ZNF280D: variants seen among roughly 807,000 people sequenced by gnomAD.
The protein encoded by ZNF280D is suppressor of hairy wing homolog 4.
ZNF280D carries 39 observed loss-of-function variants against 94.7 expected under a neutral mutation model. The ratio of observed to expected loss-of-function variants is 0.41; its 90% CI spans 0.32 to 0.54. The LOEUF (loss-of-function observed/expected upper bound fraction) is 0.54, where lower values mean the gene tolerates loss of function less well. Ranked by LOEUF, ZNF280D falls within the 20% of genes least tolerant of loss-of-function variation. ZNF280D has a pLI of 0.22. For synonymous variants in ZNF280D, 398 were observed against 377.6 expected (o/e 1.05, Z -0.63); for missense variants, 1,090 against 1,149.3 (o/e 0.95, Z 0.75).
At chr15:56,675,732 T>C (rs1333269584) in intron 13 of ZNF280D, among the ~76,000 whole-genome samples, 1 of 152,032 alleles carries the variant, frequency 6.6e-6, no homozygotes, top group African/African-American at 2.4e-5. Flanking sequence ...GTCAATTTCA[T>C]GACTTAACTA....
At chr15:56,715,710 G>C (rs2058005413) in intron 1 of ZNF280D, among the ~76,000 whole-genome samples, 1 of 151,948 alleles carries the variant, frequency 6.6e-6, no homozygotes, top group Non-Finnish European at 1.5e-5. Flanking sequence ...TAACAGTTTT[G>C]TATTTGCCCA....
intron 1 of ZNF280D, among the ~76,000 whole-genome samples, chr15:56,720,049 A>G (rs1370124814): frequency 1.3e-5 from 2 of 152,126 alleles, no homozygotes; most frequent in Non-Finnish European, 2.9e-5. Flanking sequence ...TTAAAATAAG[A>G]CAATGAAGCT....
At chr15:56,728,530 A>G (rs1330594475) in intron 1 of ZNF280D, among the ~76,000 whole-genome samples, 2 of 152,354 alleles carry the variant, frequency 1.3e-5, no homozygotes, top group East Asian at 3.9e-4. Context: ...CAAAGGTTTC[A>G]AAAATTCTTC....
At position 56,643,014 on chromosome 15, in the gene ZNF280D, G is replaced by T; in HGVS notation, c.2214-17C>A. 6.9e-7 allele frequency: 1 copy of T among 1,448,288 alleles called. No homozygotes were observed. The highest frequency in any genetic ancestry group is 2.8e-5 in the Admixed American group (1 of 35,944). The allele number at this position is 1,448,288 out of a possible 1,614,324, so 89.7% of individuals were successfully genotyped here. A position where few individuals can be genotyped will look rare whatever the true frequency, so the allele number is the denominator to read the frequency against. On this transcript the variant is annotated splice_polypyrimidine_tract_variant and intron_variant, in intron 19 of 21. Transcript: ENST00000267807. ...TTTTTTAATCTTGAAAACAAGATAAGTATTGAATATTTTATTTTATATGTA... is the reference window on the plus strand; with the variant it reads ...TTTTTTAATCTTGAAAACAAGATAATTATTGAATATTTTATTTTATATGTA...
At chr15:56,637,308 G>A (rs2052399332) in intron 20 of ZNF280D, among the ~76,000 whole-genome samples, 1 of 151,896 alleles carries the variant, frequency 6.6e-6, no homozygotes, top group African/African-American at 2.4e-5. Flanking sequence ...GAGTAGCTAG[G>A]ACTACACAGT....
At chr15:56,633,584 G>C (rs1473019519) in intron 21 of ZNF280D, among the ~76,000 whole-genome samples, 1 of 151,656 alleles carries the variant, frequency 6.6e-6, no homozygotes, top group Admixed American at 6.6e-5. Context: ...TCTGCCTCCC[G>C]GGTTCAGGTG....
chr15:56,669,934 TATTATA>T (rs1566960530), intron 13 of ZNF280D, among the ~76,000 whole-genome samples: 11 of 9,650 alleles, frequency 1.1e-3, no homozygotes, highest in African/African-American at 3.3e-3. Context: ...ATTATATATA[TATTATA>T]TATATATATT....
chr15:56,704,224 C>T lies in ZNF280D; in HGVS notation c.72G>A (p.Glu24=), dbSNP rs539187764. 35 of 1,612,954 alleles carry T rather than the reference C, an allele frequency of 2.2e-5. No individual in the cohort carries two copies. The African/African-American group carries it at 4.0e-4, about 18-fold the overall frequency. Residue 24 remains glutamate, a synonymous_variant, in exon 4 of 22, where the codon GAG becomes GAA. Transcript: ENST00000267807. Reference sequence around the variant, plus strand: ...CTTTCTTCTGCCATGGTTCCAGCTCCTCTTCTTCACATTCCATAAACAGTT... The same window carrying T: ...CTTTCTTCTGCCATGGTTCCAGCTCTTCTTCTTCACATTCCATAAACAGTT... ...MAELFMECEE[E]ELEPWQKKVK... is the part of the protein sequence containing the mutation.
Position 56,678,745 on chromosome 15 carries a change from G to T in ZNF280D, c.1081C>A (p.Gln361Lys). The T allele has an allele frequency of 6.2e-7, 1 of 1,613,234 alleles. No individual in the cohort carries two copies. The highest frequency in any genetic ancestry group is 8.5e-7 in the Non-Finnish European group (1 of 1,179,530). Residue 361 changes from glutamine (Q) to lysine (K), a missense_variant, in exon 11 of 22, where the codon CAG becomes AAG. By Grantham distance (53) the Gln-to-Lys change is moderately conservative. Around this residue, in one of 3 missense-constraint regions of ZNF280D, gnomAD observed 127 missense variants for 208.6 expected, o/e 0.61. Transcript: ENST00000267807. ...SESWENHTTC[Q>K]HCYRQFPTPF... is the part of the protein sequence containing the mutation. ...GTGGGAAACTGACGGTAGCAGTGCTGGCAGGTGGTATGGTTTTCCCAGCTC... is the reference window on the plus strand; with the variant it reads ...GTGGGAAACTGACGGTAGCAGTGCTTGCAGGTGGTATGGTTTTCCCAGCTC...
At chr15:56,689,546 G>A (rs1364499191) in intron 7 of ZNF280D, 76 bp from the exon 8 acceptor site, 1 of 943,534 alleles carries the variant, frequency 1.1e-6, no homozygotes, top group Non-Finnish European at 1.5e-6. Context: ...AAATATTTTG[G>A]AGCTAAATTA....
chr15:56,669,359 T>A (rs1425558935), intron 13 of ZNF280D, among the ~76,000 whole-genome samples: 1 of 151,978 alleles, frequency 6.6e-6, no homozygotes, highest in Non-Finnish European at 1.5e-5. Flanking sequence ...GTAAAATAAA[T>A]TAAACTCTCT....
chr15:56,651,011 CATATT>C (rs1409145202), intron 19 of ZNF280D, among the ~76,000 whole-genome samples: 1 of 152,138 alleles, frequency 6.6e-6, no homozygotes, highest in African/African-American at 2.4e-5. Flanking sequence ...CATCATCTAA[CATATT>C]ATATGTTTTA....
chr15:56,650,618 G>C (rs186690081), intron 19 of ZNF280D, among the ~76,000 whole-genome samples: 8 of 152,236 alleles, frequency 5.3e-5, no homozygotes, highest in African/African-American at 1.9e-4. Flanking sequence ...AACCAGTTAA[G>C]TAGCCTAGTT....
chr15:56,630,554 TACATGCCAGGAC>T lies in ZNF280D; in HGVS notation c.*932_*943del, dbSNP rs1450124334. On this transcript the variant is annotated 3_prime_UTR_variant, in exon 22 of 22. Transcript: ENST00000267807. ...GAAAAGTCACTTAAACATGGCTGAA[TACATGCCAGGAC>T]ATGTTTTCAGTTTACTGCTTTACAA... 1 of 152,188 alleles carries T rather than the reference TACATGCCAGGAC, an allele frequency of 6.6e-6. No individual in the cohort carries two copies. Among genetic ancestry groups the T allele is most frequent in the African/African-American group, 2.4e-5 (1 of 41,462 alleles). The allele number at this position is 152,188 out of a possible 1,614,324, so 9.4% of individuals were successfully genotyped here.
In ZNF280D at chr15:56,631,510, T is replaced by A; in HGVS notation, c.2928A>T (p.Lys976Asn). The A allele has an allele frequency of 6.2e-7, 1 of 1,610,664 alleles. No homozygotes were observed. Among genetic ancestry groups the A allele is most frequent in the Non-Finnish European group, 8.5e-7 (1 of 1,177,348 alleles). Residue 976 changes from lysine to asparagine, a missense_variant, in exon 22 of 22, where the codon AAA becomes AAT. Physicochemically the swap from Lys to Asn is moderately conservative, Grantham distance 94. This residue lies in a region of ZNF280D where 577 missense variants were observed against 568.8 expected (regional missense o/e 1.01). Coordinates refer to ENST00000267807, the MANE Select transcript of ZNF280D (RefSeq NM_017661.4). ...AAAATGACTAATTTCAACTTCTTTC[T>A]TTTTCGTCTTCCAGGTCTACTGTTG... ...TEATVDLEDE[K>N]ERS
intron 11 of ZNF280D, 107 bp from the exon 12 acceptor site, chr15:56,677,781 G>A: frequency 2.7e-6 from 1 of 364,992 alleles, no homozygotes; most frequent in East Asian, 6.1e-5. Context: ...GGACAGTTGT[G>A]AAGAGTTAAA....
Position 56,635,211 on chromosome 15 carries a change from T to C in ZNF280D, c.2299A>G (p.Thr767Ala). The change falls in exon 21 of 22, where the codon ACA becomes GCA. Residue 767 changes from threonine (T) to alanine (A), a missense_variant. By Grantham distance (58) the Thr-to-Ala change is moderately conservative. Around this residue, in one of 3 missense-constraint regions of ZNF280D, gnomAD observed 577 missense variants for 568.8 expected, o/e 1.01. Transcript: ENST00000267807. ...TATATTTACCTTTCAGAATTTGATGTTTCTGTTTCTCTTTCAGCCATGTTA... is the reference window on the plus strand; with the variant it reads ...TATATTTACCTTTCAGAATTTGATGCTTCTGTTTCTCTTTCAGCCATGTTA... Reference protein sequence around the residue: ...RPNMAERETETSNSESKQDKA... With the variant: ...RPNMAERETEASNSESKQDKA... The C allele has an allele frequency of 6.4e-7, 1 of 1,559,286 alleles. No homozygotes were observed. Among genetic ancestry groups the C allele is most frequent in the Non-Finnish European group, 8.7e-7 (1 of 1,155,426 alleles).
At chr15:56,653,525 G>T in intron 19 of ZNF280D, 1 of 1,522,430 alleles carries the variant, frequency 6.6e-7, no homozygotes, top group Admixed American at 2.0e-5. Flanking sequence ...ACAGGCATCA[G>T]TTGTGTCCAT....
At chr15:56,675,251 T>C (rs1158026782) in intron 13 of ZNF280D, among the ~76,000 whole-genome samples, 15 of 151,958 alleles carry the variant, frequency 9.9e-5, no homozygotes, top group Non-Finnish European at 2.9e-5. Context: ...TCTATCTCAC[T>C]CTATAGTTTG....
Sources: allele counts gnomAD v4.1 joint callset (sites outside exome capture counted in the v4.1 genomes callset), GRCh38; gene constraint gnomAD v4.1.1; regional missense constraint gnomAD v4.1.1; transcripts MANE v1.5; gene names NCBI Gene and HGNC (gene_info 2026-07-23, HGNC 2026-07-21).